The following PUS7L variants were observed in gnomAD, a reference collection of about 807,000 sequenced individuals.
PUS7L encodes pseudouridylate synthase PUS7L.
A neutral mutation model predicts 51.1 loss-of-function variants in PUS7L; 49 were observed. The ratio of observed to expected loss-of-function variants is 0.96; its 90% CI spans 0.76 to 1.22. The LOEUF is 1.22. Ranked by LOEUF, PUS7L falls within the 50% of genes most tolerant of loss-of-function variation. PUS7L has a pLI of 0.00. For missense variants in PUS7L, 828 were observed against 820.6 expected (o/e 1.01, Z -0.11); for synonymous variants, 277 against 276.2 (o/e 1.00, Z -0.03).
chr12:43,756,444 C>T (rs1287303377), intron 1 of PUS7L, among the ~76,000 whole-genome samples: 2 of 152,208 alleles, frequency 1.3e-5, no homozygotes, highest in African/African-American at 4.8e-5. Context: ...CCTCTACTAC[C>T]TCCAAAAACC....
intron 1 of PUS7L, among the ~76,000 whole-genome samples, chr12:43,756,118 C>T (rs1247169443): frequency 1.3e-5 from 2 of 152,198 alleles, no homozygotes; most frequent in Admixed American, 1.3e-4. Flanking sequence ...ATAATGTATT[C>T]TACTAATCTG....
In PUS7L at chr12:43,730,542, T is replaced by C; in HGVS notation, c.1940A>G (p.His647Arg). Residue 647 changes from histidine to arginine, a missense_variant, in exon 9 of 9, where the codon CAT (histidine) becomes CGT (arginine). His to Arg is a conservative substitution (Grantham distance 29, BLOSUM62 0). Transcript: ENST00000344862. The stretch of plus-strand genomic sequence containing the variant: ...TAGTTGGTATGAGAGATTACAGGGA[T>C]GTTTCAAAATCTGTCTATAGCAACC... ...IPGCYRQILKHPCNLSYQLME... is the reference protein window; with the variant it reads ...IPGCYRQILKRPCNLSYQLME... 6.2e-7 allele frequency: 1 copy of C among 1,613,914 alleles called. No individual in the cohort carries two copies. The highest frequency in any genetic ancestry group is 8.5e-7 in the Non-Finnish European group (1 of 1,179,884).
At chr12:43,739,805 A>C (rs920275917) in intron 5 of PUS7L, 1 of 152,196 alleles carries the variant, frequency 6.6e-6, no homozygotes, top group Non-Finnish European at 1.5e-5. Flanking sequence ...ACAAAAGATA[A>C]AGAGAGACAT....
At chr12:43,753,709 T>C (rs993331575) in intron 2 of PUS7L, among the ~76,000 whole-genome samples, 6 of 152,106 alleles carry the variant, frequency 3.9e-5, no homozygotes, top group Admixed American at 2.6e-4. Flanking sequence ...TCTCAAAACA[T>C]AGCAGACCAG....
chr12:43,751,265 G>A (rs549545517), intron 2 of PUS7L, among the ~76,000 whole-genome samples: 1 of 151,908 alleles, frequency 6.6e-6, no homozygotes, highest in East Asian at 1.9e-4. Flanking sequence ...TGTTACATAT[G>A]TATACATGTG....
At chr12:43,737,419 G>A (rs1937662707) in intron 6 of PUS7L, among the ~76,000 whole-genome samples, 1 of 151,810 alleles carries the variant, frequency 6.6e-6, no homozygotes, top group Non-Finnish European at 1.5e-5. Flanking sequence ...GCGAATAGCT[G>A]CACATATGTA....
intron 1 of PUS7L, among the ~76,000 whole-genome samples, chr12:43,756,858 T>C (rs189840216): frequency 6.6e-6 from 1 of 152,338 alleles, no homozygotes; most frequent in East Asian, 1.9e-4. Flanking sequence ...CCAGCCAGAA[T>C]GGTCTTAAAA....
intron 1 of PUS7L, among the ~76,000 whole-genome samples, chr12:43,756,074 A>G (rs907441655): frequency 9.9e-5 from 15 of 152,186 alleles, no homozygotes; most frequent in Admixed American, 5.2e-4. Flanking sequence ...TTCTCCAAGT[A>G]ACTTATCATC....
intron 2 of PUS7L, among the ~76,000 whole-genome samples, chr12:43,749,667 C>T (rs187277757): frequency 0.014 from 2,079 of 152,042 alleles, 44 homozygotes; most frequent in African/African-American, 0.047. Flanking sequence ...GAGACCCTGT[C>T]TCAAAGAAAA....
rs1251219682 is a variant in PUS7L, at chr12:43,728,190, A to G, written c.*2186T>C. 2.6e-5 allele frequency: 4 copies of G among 152,194 alleles called. No homozygotes were observed. The highest frequency in any genetic ancestry group is 9.6e-5 in the African/African-American group (4 of 41,454). The allele number at this position is 152,194 out of a possible 1,614,324, so 9.4% of individuals were successfully genotyped here. On this transcript the variant is annotated 3_prime_UTR_variant, in exon 9 of 9. Transcript: ENST00000344862. ...ATAATAAAAGTCCTTAAACAAAAAA[A>G]GTTTAACATGGCATCTTATTGGCAT...
At chr12:43,741,831 C>T (rs12305949) in intron 5 of PUS7L, among the ~76,000 whole-genome samples, 11,555 of 152,170 alleles carry the variant, frequency 0.076, 1,031 homozygotes, top group African/African-American at 0.21. Flanking sequence ...TATTAGAACA[C>T]AGGTGAGTGA....
intron 7 of PUS7L, among the ~76,000 whole-genome samples, chr12:43,735,011 C>G (rs1944650211): frequency 6.6e-6 from 1 of 152,138 alleles, no homozygotes; most frequent in Non-Finnish European, 1.5e-5. Flanking sequence ...AGTTCAAACT[C>G]ACAGAGATAA....
chr12:43,735,037 C>T (rs1438167200), intron 7 of PUS7L, among the ~76,000 whole-genome samples: 3 of 152,100 alleles, frequency 2.0e-5, no homozygotes, highest in Admixed American at 6.5e-5. Flanking sequence ...ACTGGATGGC[C>T]GGGTGCGGAG....
intron 5 of PUS7L, chr12:43,739,192 C>G (rs1027073744): frequency 1.3e-5 from 2 of 151,962 alleles, no homozygotes; most frequent in African/African-American, 4.8e-5. Context: ...CAAAGAAAAA[C>G]AAAAAAGCAA....
chr12:43,736,091 G>A (rs938699407), intron 7 of PUS7L, among the ~76,000 whole-genome samples: 1 of 151,900 alleles, frequency 6.6e-6, no homozygotes, highest in African/African-American at 2.4e-5. Flanking sequence ...TTATTTTTAT[G>A]GGCTGTTTTG....
chr12:43,758,684 C>T, intron 1 of PUS7L, 46 bp downstream of exon 1: 1 of 883,590 alleles, frequency 1.1e-6, no homozygotes, highest in Non-Finnish European at 1.3e-6. Context: ...CACACACACA[C>T]ACACATACAA....
chr12:43,746,725 AC>A (rs1377447154), intron 3 of PUS7L, among the ~76,000 whole-genome samples: 2 of 152,152 alleles, frequency 1.3e-5, no homozygotes, highest in Admixed American at 1.3e-4. Flanking sequence ...AACTTGTATG[AC>A]CCTATAAGGG....
At chr12:43,746,018 G>T in intron 4 of PUS7L, 28 bp downstream of exon 4, 1 of 1,040,812 alleles carries the variant, frequency 9.6e-7, no homozygotes, top group Non-Finnish European at 1.5e-6. Context: ...GATTTCCCTG[G>T]ATGCCTTTTA....
At position 43,727,433 on chromosome 12, in the gene PUS7L, C is replaced by G. The variant is rs1944469680; in HGVS notation, c.*2943G>C. 6.6e-6 allele frequency: 1 copy of G among 152,162 alleles called. No individual in the cohort carries two copies. Among genetic ancestry groups the G allele is most frequent in the Admixed American group, 6.5e-5 (1 of 15,270 alleles). 9.4% of individuals were successfully genotyped at this position (152,162 alleles called of 1,614,324 possible). Reference sequence around the variant, plus strand: ...ACAATAGCAAAGACATGGAACCAACCTAGATGCCCATTACAGTGGACTGGA... The same window carrying G: ...ACAATAGCAAAGACATGGAACCAACGTAGATGCCCATTACAGTGGACTGGA... On this transcript the variant is annotated 3_prime_UTR_variant, in exon 9 of 9. Coordinates refer to ENST00000344862, the MANE Select transcript of PUS7L (RefSeq NM_031292.5).
Sources: allele counts gnomAD v4.1 joint callset (sites outside exome capture counted in the v4.1 genomes callset), GRCh38; gene constraint gnomAD v4.1.1; transcripts MANE v1.5; gene names NCBI Gene and HGNC (gene_info 2026-07-23, HGNC 2026-07-21).